The following CLDN10 variants were observed in gnomAD, a reference collection of about 807,000 sequenced individuals.
CLDN10 encodes claudin-10.
A neutral mutation model predicts 22.9 loss-of-function variants in CLDN10; 15 were observed. The ratio of observed to expected loss-of-function variants is 0.65; its 90% confidence interval spans 0.44 to 1.01. CLDN10 has a LOEUF of 1.01. CLDN10 is among the 50% of genes least tolerant of loss of function. The probability of loss-of-function intolerance (pLI) is 0.00; values close to 1 mark genes in which losing one functional copy is unlikely to be tolerated. For synonymous variants in CLDN10, 114 were observed against 111.4 expected (o/e 1.02, Z -0.15); for missense variants, 247 against 287.8 (o/e 0.86, Z 1.03).
At chr13:95,544,773 G>A (rs538017238) in intron 1 of CLDN10, among the ~76,000 whole-genome samples, 1 of 151,766 alleles carries the variant, frequency 6.6e-6, no homozygotes, top group East Asian at 1.9e-4. Context: ...AAATAGGGTA[G>A]TTTTCAACTT....
chr13:95,525,305 G>A (rs2043269198), intron 1 of CLDN10, among the ~76,000 whole-genome samples: 1 of 152,056 alleles, frequency 6.6e-6, no homozygotes, highest in South Asian at 2.1e-4. Context: ...TTGGAGAAAT[G>A]TCTATTCAAG....
At chr13:95,468,565 A>C (rs1382032387) in intron 1 of CLDN10, among the ~76,000 whole-genome samples, 3 of 152,176 alleles carry the variant, frequency 2.0e-5, no homozygotes, top group Non-Finnish European at 4.4e-5. Flanking sequence ...ATCTCTACTA[A>C]AAATACAAAA....
chr13:95,437,751 G>T (rs531167235), intron 1 of CLDN10, among the ~76,000 whole-genome samples: 1 of 152,164 alleles, frequency 6.6e-6, no homozygotes, highest in African/African-American at 2.4e-5. Flanking sequence ...GGAAATGAGC[G>T]CAGGCAACCC....
intron 1 of CLDN10, among the ~76,000 whole-genome samples, chr13:95,511,046 C>T (rs2138560295): frequency 6.6e-6 from 1 of 152,264 alleles, no homozygotes; most frequent in East Asian, 1.9e-4. Context: ...ATGTATTTGT[C>T]AGGCATAAGA....
At chr13:95,562,710 GTTTAT>G (rs1293810923) in intron 3 of CLDN10, among the ~76,000 whole-genome samples, 3 of 152,056 alleles carry the variant, frequency 2.0e-5, no homozygotes, top group African/African-American at 7.2e-5. Context: ...ACTTCTCATG[GTTTAT>G]TTTATTAAAC....
chr13:95,474,795 C>T (rs2042669002), intron 1 of CLDN10, among the ~76,000 whole-genome samples: 1 of 151,666 alleles, frequency 6.6e-6, no homozygotes, highest in African/African-American at 2.4e-5. Flanking sequence ...TAAGATCTGC[C>T]TTTTGGGAAG....
chr13:95,486,588 G>A (rs1369051833), intron 1 of CLDN10, among the ~76,000 whole-genome samples: 1 of 151,750 alleles, frequency 6.6e-6, no homozygotes, highest in East Asian at 1.9e-4. Context: ...CTGGTGGTTG[G>A]TTGGCATAGT....
At chr13:95,529,777 G>A (rs545683371) in intron 1 of CLDN10, among the ~76,000 whole-genome samples, 3 of 152,096 alleles carry the variant, frequency 2.0e-5, no homozygotes, top group South Asian at 2.1e-4. Context: ...TTCCAGTTTC[G>A]CTTTTTTTTC....
chr13:95,501,168 C>T (rs1418732118), intron 1 of CLDN10, among the ~76,000 whole-genome samples: 1 of 152,052 alleles, frequency 6.6e-6, no homozygotes, highest in Non-Finnish European at 1.5e-5. Context: ...TTCATGCCAC[C>T]ACGCCTCGCT....
intron 1 of CLDN10, among the ~76,000 whole-genome samples, chr13:95,498,365 G>T (rs2042949307): frequency 6.6e-6 from 1 of 152,104 alleles, no homozygotes; most frequent in Admixed American, 6.6e-5. Flanking sequence ...GATGTCTATG[G>T]GCAAAATATT....
intron 1 of CLDN10, among the ~76,000 whole-genome samples, chr13:95,446,567 C>T (rs1176709323): frequency 2.0e-5 from 3 of 152,212 alleles, no homozygotes; most frequent in South Asian, 2.1e-4. Context: ...GAAGGTTGGA[C>T]GCAGTGGCTC....
chr13:95,562,537 A>G (rs2043728945), intron 3 of CLDN10, among the ~76,000 whole-genome samples: 2 of 152,350 alleles, frequency 1.3e-5, no homozygotes, highest in Non-Finnish European at 2.9e-5. Flanking sequence ...TTATCTTTCA[A>G]ATGAGATTTG....
intron 3 of CLDN10, among the ~76,000 whole-genome samples, chr13:95,572,058 C>T (rs953716923): frequency 2.0e-5 from 3 of 152,086 alleles, no homozygotes; most frequent in Admixed American, 1.3e-4. Flanking sequence ...ACCGATCTTG[C>T]TTTGTTTTGG....
chr13:95,549,524 TCTC>T (rs2043543193), upstream of CLDN10, among the ~76,000 whole-genome samples: 1 of 152,220 alleles, frequency 6.6e-6, no homozygotes, highest in South Asian at 2.1e-4. Flanking sequence ...TCTTTAGAAT[TCTC>T]CTGACAAAAC....
At chr13:95,504,894 T>G (rs1594571199) in intron 1 of CLDN10, among the ~76,000 whole-genome samples, 1 of 152,238 alleles carries the variant, frequency 6.6e-6, no homozygotes, top group Admixed American at 6.5e-5. Flanking sequence ...TCACTGTTGA[T>G]TATTACACTG....
intron 1 of CLDN10, among the ~76,000 whole-genome samples, chr13:95,434,927 T>C (rs138432437): frequency 3.9e-5 from 6 of 152,254 alleles, no homozygotes; most frequent in African/African-American, 9.6e-5. Flanking sequence ...AAAAACCATA[T>C]TGAATGATAA....
chr13:95,445,655 G>A (rs140119557), intron 1 of CLDN10, among the ~76,000 whole-genome samples: 31 of 152,296 alleles, frequency 2.0e-4, no homozygotes, highest in South Asian at 6.2e-4. Flanking sequence ...TTTCCAATAC[G>A]TACCAAGATC....
At position 95,560,251 on chromosome 13, in the gene CLDN10, G is replaced by A; in HGVS notation, c.340G>A (p.Ala114Thr). ...AGTCGGAGGCTCCGATAAAGCCAAA[G>A]CTAAAATTGCTTGTTTGGCTGGGAT... ...TKVGGSDKAK[A>T]KIACLAGIVF... Residue 114 changes from alanine to threonine, a missense_variant, in exon 2 of 5, where the codon GCT (alanine) becomes ACT (threonine). Ala to Thr is a moderately conservative substitution (Grantham distance 58). Transcript: ENST00000299339. 2 of 1,614,206 alleles carry A rather than the reference G, an allele frequency of 1.2e-6. No homozygotes were observed. Among genetic ancestry groups the A allele is most frequent in the African/African-American group, 2.7e-5 (2 of 75,064 alleles).
At chr13:95,536,308 G>A (rs1037124981) in intron 1 of CLDN10, among the ~76,000 whole-genome samples, 4 of 151,966 alleles carry the variant, frequency 2.6e-5, no homozygotes, top group African/African-American at 9.7e-5. Context: ...AAATTAGCTA[G>A]CATGGTGACA....
Sources: gnomAD v4.1 joint callset for allele counts (sites outside exome capture counted in the v4.1 genomes callset) on GRCh38, gnomAD v4.1.1 for gene constraint, MANE v1.5 for transcripts, NCBI Gene and HGNC (gene_info 2026-07-23, HGNC 2026-07-21) for gene names.